SEMA3A: variants seen among roughly 807,000 people sequenced by gnomAD.
SEMA3A encodes the protein semaphorin-3A.
In SEMA3A, 29 loss-of-function variants were observed where a neutral mutation model predicts 97.9. The ratio of observed to expected loss-of-function variants is 0.30; its 90% CI spans 0.22 to 0.40. SEMA3A has a LOEUF of 0.40. Among genes scored for constraint, SEMA3A ranks in the 10% least tolerant of loss-of-function variants. The pLI is 1.00. For missense variants in SEMA3A, 763 were observed against 951.3 expected, an observed-to-expected ratio of 0.80 and a Z score of 2.60; for synonymous variants, 321 against 323.7, an observed-to-expected ratio of 0.99 and a Z score of 0.09.
At chr7:84,194,846 C>G, upstream of SEMA3A, 1 of 282,484 alleles carries the variant, frequency 3.5e-6, no homozygotes. Context: ...TGAGGCACAA[C>G]TGTTGTGTGG....
chr7:84,302,104 T>TA (rs1300083922), intron 3 of SEMA3A, among the ~76,000 whole-genome samples: 4 of 151,858 alleles, frequency 2.6e-5, no homozygotes, highest in African/African-American at 7.3e-5. Context: ...CATTCAGTAA[T>TA]AAAAAAAATC....
At chr7:84,044,454 C>T (rs1792268793) in intron 6 of SEMA3A, among the ~76,000 whole-genome samples, 1 of 151,990 alleles carries the variant, frequency 6.6e-6, no homozygotes, top group Non-Finnish European at 1.5e-5. Context: ...TTATGTTAGG[C>T]ATCATTAGCA....
At chr7:84,206,111 C>A (rs1017148146) in intron 3 of SEMA3A, among the ~76,000 whole-genome samples, 1 of 152,124 alleles carries the variant, frequency 6.6e-6, no homozygotes, top group Non-Finnish European at 1.5e-5. Context: ...GCAGCTAGAT[C>A]ATATTGCCTT....
chr7:84,216,515 T>C (rs11974097), intron 3 of SEMA3A, among the ~76,000 whole-genome samples: 2,621 of 152,210 alleles, frequency 0.017, 77 homozygotes, highest in African/African-American at 0.06. Context: ...GATCCTTTCT[T>C]CAGCTTGAAT....
intron 7 of SEMA3A, among the ~76,000 whole-genome samples, chr7:84,012,092 G>C (rs1024085374): frequency 1.3e-5 from 2 of 152,076 alleles, no homozygotes; most frequent in Non-Finnish European, 2.9e-5. Context: ...GGGGAGGGAT[G>C]AAGAGATTTG....
chr7:84,357,308 C>CCAG (rs1192729545), intron 2 of SEMA3A, among the ~76,000 whole-genome samples: 1 of 148,840 alleles, frequency 6.7e-6, no homozygotes, highest in Non-Finnish European at 1.5e-5. Context: ...ACAACAGGCC[C>CCAG]TGGCATGTGA....
At chr7:83,996,542 C>G (rs1256370686) in intron 12 of SEMA3A, among the ~76,000 whole-genome samples, 2 of 151,988 alleles carry the variant, frequency 1.3e-5, no homozygotes, top group Non-Finnish European at 2.9e-5. Context: ...ACTTCGTGAT[C>G]CACCTACCTG....
Position 84,106,662 on chromosome 7 carries a change from C to A in SEMA3A, c.453+3808G>T, listed in dbSNP as rs1795117064. ...ACCATTAATTTCTTCCTATAAGATCCAAAGCTATTAAATAAGAAAGTAAGC... is the reference window on the plus strand; with the variant it reads ...ACCATTAATTTCTTCCTATAAGATCAAAAGCTATTAAATAAGAAAGTAAGC... On this transcript the variant is annotated intron_variant, in intron 4 of 16. Transcript: ENST00000265362. Among the ~76,000 whole-genome samples the A allele has an allele frequency of 2.6e-5, 4 of 152,186 alleles. No individual in the cohort carries two copies. The South Asian group carries it at 8.3e-4, about 32-fold the overall frequency.
intron 15 of SEMA3A, among the ~76,000 whole-genome samples, chr7:83,967,665 G>A (rs1431536406): frequency 6.6e-6 from 1 of 152,140 alleles, no homozygotes; most frequent in African/African-American, 2.4e-5. Flanking sequence ...TGAGGCAGGA[G>A]AAGCGCTTGA....
chr7:84,018,354 C>T (rs1791187021), intron 6 of SEMA3A, among the ~76,000 whole-genome samples: 2 of 152,102 alleles, frequency 1.3e-5, no homozygotes, highest in African/African-American at 4.8e-5. Context: ...TAATCACTTA[C>T]TATTTATATT....
chr7:84,029,913 T>C (rs1791680972), intron 6 of SEMA3A, among the ~76,000 whole-genome samples: 1 of 152,060 alleles, frequency 6.6e-6, no homozygotes, highest in Non-Finnish European at 1.5e-5. Flanking sequence ...ATGTTTTTAA[T>C]GAGTTTCTAT....
intron 3 of SEMA3A, among the ~76,000 whole-genome samples, chr7:84,203,616 C>T (rs767795158): frequency 2.3e-4 from 34 of 145,878 alleles, no homozygotes; most frequent in Non-Finnish European, 4.6e-4. Flanking sequence ...ACTGCAACCT[C>T]TGTCTCCCAG....
At chr7:84,119,479 G>A (rs1244358993) in intron 3 of SEMA3A, among the ~76,000 whole-genome samples, 1 of 152,146 alleles carries the variant, frequency 6.6e-6, no homozygotes, top group Non-Finnish European at 1.5e-5. Flanking sequence ...AGAATTTTGG[G>A]AAAGTTTCAT....
intron 2 of SEMA3A, among the ~76,000 whole-genome samples, chr7:84,327,549 A>G (rs989840805): frequency 6.6e-6 from 1 of 151,970 alleles, no homozygotes; most frequent in African/African-American, 2.4e-5. Context: ...CTAACAGAGA[A>G]TGCATGAGAG....
chr7:84,406,461 A>G (rs1269848111), intron 1 of SEMA3A, among the ~76,000 whole-genome samples: 2 of 152,228 alleles, frequency 1.3e-5, no homozygotes, highest in East Asian at 1.9e-4. Context: ...GCCGAATTCT[A>G]CCAGAGGTAC....
chr7:84,231,238 G>T (rs1562863367), intron 3 of SEMA3A, among the ~76,000 whole-genome samples: 1 of 151,982 alleles, frequency 6.6e-6, no homozygotes, highest in Non-Finnish European at 1.5e-5. Context: ...TGTAGAGTGT[G>T]TGCCTGTTAC....
At chr7:84,457,574 T>C (rs936206422) in intron 1 of SEMA3A, among the ~76,000 whole-genome samples, 1 of 151,962 alleles carries the variant, frequency 6.6e-6, no homozygotes, top group East Asian at 1.9e-4. Context: ...AAAATGGAAC[T>C]AGAAAATATT....
intron 3 of SEMA3A, among the ~76,000 whole-genome samples, chr7:84,286,825 A>T (rs1422781667): frequency 6.6e-6 from 1 of 152,124 alleles, no homozygotes; most frequent in East Asian, 1.9e-4. Flanking sequence ...TTTTAATTGC[A>T]AGGAACTATA....
chr7:84,260,269 T>C (rs886425121), intron 3 of SEMA3A, among the ~76,000 whole-genome samples: 17 of 152,168 alleles, frequency 1.1e-4, no homozygotes, highest in African/African-American at 3.9e-4. Flanking sequence ...CTAGGCACCA[T>C]AATAGGTATA....
Sources: gnomAD v4.1 joint callset for allele counts (sites outside exome capture counted in the v4.1 genomes callset) on GRCh38, gnomAD v4.1.1 for gene constraint, MANE v1.5 for transcripts, NCBI Gene and HGNC (gene_info 2026-07-23, HGNC 2026-07-21) for gene names.